Variants in XK observed in about 807,000 individuals in gnomAD.
The protein encoded by XK is X-linked Kx blood group antigen, Kell and VPS13A binding protein.
Under a neutral mutation model 14.0 loss-of-function variants are expected in XK, and 2 were observed. That is an observed-to-expected ratio of 0.14 (90% CI 0.06 to 0.45). The LOEUF (loss-of-function observed/expected upper bound fraction) is 0.45, where lower values mean the gene tolerates loss of function less well. Ranked by LOEUF, XK falls within the 20% of genes least tolerant of loss-of-function variation. The pLI, the probability that XK is intolerant of heterozygous loss-of-function variation, is 0.98. For missense variants in XK, 235 were observed against 341.5 expected (o/e 0.69, Z 2.46); for synonymous variants, 149 against 147.5 (o/e 1.01, Z -0.08).
At chrX:37,704,058 C>G (rs1418765970) in intron 2 of XK, among the ~76,000 whole-genome samples, 6 of 111,656 alleles carry the variant, frequency 5.4e-5, no homozygotes. Context: ...GTCCACTAAC[C>G]ATTATCTTAA....
chrX:37,685,930 C>G lies in XK; in HGVS notation c.-32C>G. The G allele has an allele frequency of 1.7e-6, 2 of 1,194,210 alleles. No homozygotes were observed. Among genetic ancestry groups the G allele is most frequent in the Non-Finnish European group, 2.3e-6 (2 of 888,023 alleles). On this transcript the variant is annotated 5_prime_UTR_variant, in exon 1 of 3. Coordinates refer to ENST00000378616, the MANE Select transcript of XK (RefSeq NM_021083.4). ...AGCCACACAGCCGCCGCCACTGCGT[C>G]CGTCCCCGGTGAGCGCCGCTGACGC... is the stretch of plus-strand genomic sequence containing the variant.
Position 37,728,285 on chromosome X carries a change from A to G in XK, c.1158A>G (p.Glu386=), listed in dbSNP as rs1898881013. 1 of 1,209,195 alleles carries G rather than the reference A, an allele frequency of 8.3e-7. No individual in the cohort carries two copies. The highest frequency in any genetic ancestry group is 1.1e-6 in the Non-Finnish European group (1 of 895,044). Residue 386 remains glutamate (E), a synonymous_variant, in exon 3 of 3, where the codon GAA becomes GAG. Transcript: ENST00000378616. ...AGCTCTTTTCTTCCAGTGTTTCTGAAGGCTTTCAGAGGTGGCTCAGGTGTT... is the reference window on the plus strand; with the variant it reads ...AGCTCTTTTCTTCCAGTGTTTCTGAGGGCTTTCAGAGGTGGCTCAGGTGTT... ...CKKLFSSSVS[E]GFQRWLRCFC... is the part of the protein sequence containing the mutation.
At position 37,731,242 on chromosome X, in the gene XK, C is replaced by T. The variant is rs1188280012; in HGVS notation, c.*2780C>T. ...TCTTGGTGCTTTGTCTAATTAATTA[C>T]ATCCCATAACTTGTCAGGATAGTTG... On this transcript the variant is annotated 3_prime_UTR_variant, in exon 3 of 3. Transcript: ENST00000378616. 1 of 112,346 alleles carries T rather than the reference C, an allele frequency of 8.9e-6. No homozygotes were observed. Among genetic ancestry groups the T allele is most frequent in the Non-Finnish European group, 1.9e-5 (1 of 53,266 alleles). 9.3% of individuals were successfully genotyped at this position (112,346 alleles called of 1,213,427 possible). A position where few individuals can be genotyped will look rare whatever the true frequency, so the allele number is the denominator to read the frequency against.
At chrX:37,687,182 CTCTCTCTCTCTT>C (rs1320902981) in intron 1 of XK, among the ~76,000 whole-genome samples, 1 of 97,411 alleles carries the variant, frequency 1.0e-5, no homozygotes, top group African/African-American at 4.3e-5. Flanking sequence ...CTCTCTCTTT[CTCTCTCTCTCTT>C]ACACACACAC....
intron 1 of XK, among the ~76,000 whole-genome samples, chrX:37,692,386 G>T (rs1927219443): frequency 9.0e-6 from 1 of 111,386 alleles, no homozygotes; most frequent in African/African-American, 3.3e-5. Context: ...TGAGAATAAA[G>T]ATGATTATCA....
chrX:37,686,078 G>A lies in XK; in HGVS notation c.117G>A (p.Leu39=). 8.3e-7 allele frequency: 1 copy of A among 1,211,858 alleles called. No homozygotes were observed. The highest frequency in any genetic ancestry group is 1.1e-6 in the Non-Finnish European group (1 of 895,524). The change falls in exon 1 of 3, where the codon CTG becomes CTA. Residue 39 remains leucine, a synonymous_variant. Coordinates refer to ENST00000378616, the MANE Select transcript of XK (RefSeq NM_021083.4). ...RSGGDRMWQA[L]TLLFSLLPCA... Reference sequence around the variant, plus strand: ...GCGGGGACCGCATGTGGCAGGCGCTGACGTTGCTTTTCTCGCTACTGCCTT... The same window carrying A: ...GCGGGGACCGCATGTGGCAGGCGCTAACGTTGCTTTTCTCGCTACTGCCTT...
intron 1 of XK, among the ~76,000 whole-genome samples, chrX:37,686,960 G>C (rs782192740): frequency 9.0e-6 from 1 of 111,599 alleles, no homozygotes; most frequent in South Asian, 3.8e-4. Flanking sequence ...AAACAGACTG[G>C]CTTATCTAAG....
At chrX:37,704,784 G>A (rs1004582841) in intron 2 of XK, among the ~76,000 whole-genome samples, 1 of 110,781 alleles carries the variant, frequency 9.0e-6, no homozygotes, top group African/African-American at 3.3e-5. Context: ...GCAGTGGGCC[G>A]AGGTCACGCC....
chrX:37,721,388 T>G (rs958874443), intron 2 of XK, among the ~76,000 whole-genome samples: 1 of 111,262 alleles, frequency 9.0e-6, no homozygotes, highest in Admixed American at 9.6e-5. Context: ...ATAAGTTTGA[T>G]TCATAGTTAA....
chrX:37,686,430 G>A (rs782761680), intron 1 of XK, among the ~76,000 whole-genome samples: 217 of 112,175 alleles, frequency 1.9e-3, no homozygotes, highest in African/African-American at 6.6e-3. Context: ...GTTAGGTTCC[G>A]TCAAATGAAA....
rs782721665 is a variant in XK at position 37,731,977 on chromosome X, T to TTA, written c.*3516_*3517dup. On this transcript the variant is annotated 3_prime_UTR_variant, in exon 3 of 3. Coordinates refer to ENST00000378616, the MANE Select transcript of XK (RefSeq NM_021083.4). ...TTTCTTTGGAAACCACCTTAAAACA[T>TTA]TAGTGCTATGGTTATGAGTGTATGT... 42 of 111,709 alleles carry TTA rather than the reference T, an allele frequency of 3.8e-4. No individual in the cohort carries two copies. Among genetic ancestry groups the TTA allele is most frequent in the African/African-American group, 1.3e-3 (40 of 30,833 alleles). 9.2% of individuals were successfully genotyped at this position (111,709 alleles called of 1,213,427 possible). A position where few individuals can be genotyped will look rare whatever the true frequency, so the allele number is the denominator to read the frequency against.
At chrX:37,704,363 C>T (rs1927470066) in intron 2 of XK, among the ~76,000 whole-genome samples, 3 of 110,829 alleles carry the variant, frequency 2.7e-5, no homozygotes, top group Admixed American at 9.5e-5. Context: ...GTGAGACCTC[C>T]GTCTCTACAA....
chrX:37,731,919 A>G lies in XK; in HGVS notation c.*3457A>G, dbSNP rs1386951575. On this transcript the variant is annotated 3_prime_UTR_variant, in exon 3 of 3. Transcript: ENST00000378616. ...ATCTTTTCAGCCTTGTAAATGGGAA[A>G]ATATATATTAAAATTGATTGTCAAA... 8.9e-6 allele frequency: 1 copy of G among 112,001 alleles called. No individual in the cohort carries two copies. Among genetic ancestry groups the G allele is most frequent in the South Asian group, 3.7e-4 (1 of 2,707 alleles). The allele number at this position is 112,001 out of a possible 1,213,427, so 9.2% of individuals were successfully genotyped here. A position where few individuals can be genotyped will look rare whatever the true frequency, so the allele number is the denominator to read the frequency against.
At chrX:37,694,626 G>T (rs1927273304) in intron 2 of XK, 78 bp downstream of exon 2, 1 of 1,144,097 alleles carries the variant, frequency 8.7e-7, no homozygotes, top group African/African-American at 1.8e-5. Context: ...TTGTTTCAAA[G>T]GAAATTTGTT....
intron 1 of XK, among the ~76,000 whole-genome samples, chrX:37,686,443 G>A (rs1252531732): frequency 1.8e-5 from 2 of 112,184 alleles, no homozygotes; most frequent in Non-Finnish European, 3.8e-5. Flanking sequence ...AAATGAAATA[G>A]CCAACATTCA....
rs1305716748 is a variant in XK, at chrX:37,705,281, TA to T, written c.508+10738del. 1.0e-4 allele frequency among the ~76,000 whole-genome samples: 10 copies of T among 98,210 alleles called. 1 individual carries two copies. Among genetic ancestry groups the T allele is most frequent in the Admixed American group, 8.8e-4 (8 of 9,112 alleles). 85.3% of individuals were successfully genotyped at this position (98,210 alleles called of 115,157 possible). On this transcript the variant is annotated intron_variant, in intron 2 of 2. Coordinates refer to ENST00000378616, the MANE Select transcript of XK (RefSeq NM_021083.4). Reference sequence around the variant, plus strand: ...TAACATGGTGAAACCCCGTCTCTACTAAAAATACAAAAAAAAAAAAATTAGC... The same window carrying T: ...TAACATGGTGAAACCCCGTCTCTACTAAAATACAAAAAAAAAAAAATTAGC...
At chrX:37,712,646 T>G (rs1927688338) in intron 2 of XK, among the ~76,000 whole-genome samples, 1 of 111,860 alleles carries the variant, frequency 8.9e-6, no homozygotes, top group Admixed American at 9.5e-5. Flanking sequence ...TAAGTTTTTG[T>G]TGCAATGGAG....
chrX:37,713,032 G>GC, intron 2 of XK, among the ~76,000 whole-genome samples: 1 of 111,499 alleles, frequency 9.0e-6, no homozygotes, highest in Non-Finnish European at 1.9e-5. Flanking sequence ...CCTGATGATT[G>GC]CAAGAGGACC....
At chrX:37,721,722 A>G (rs1217543627) in intron 2 of XK, among the ~76,000 whole-genome samples, 5 of 111,748 alleles carry the variant, frequency 4.5e-5, no homozygotes, top group Non-Finnish European at 7.6e-5. Flanking sequence ...AAAAGAAAAT[A>G]TATGTTCACA....
Sources: allele counts gnomAD v4.1 joint callset (sites outside exome capture counted in the v4.1 genomes callset), GRCh38; gene constraint gnomAD v4.1.1; transcripts MANE v1.5; gene names NCBI Gene and HGNC (gene_info 2026-07-23, HGNC 2026-07-21).